BTBD9: variants seen among roughly 807,000 people sequenced by gnomAD.
BTBD9 encodes the protein BTB/POZ domain-containing protein 9.
A neutral mutation model predicts 64.3 loss-of-function variants in BTBD9; 49 were observed. That is an observed-to-expected ratio of 0.76 (90% CI 0.61 to 0.97). The LOEUF is 0.97. Ranked by LOEUF, BTBD9 falls within the 50% of genes least tolerant of loss-of-function variation. BTBD9 has a pLI of 0.00. For missense variants in BTBD9, 598 were observed against 762.1 expected, an observed-to-expected ratio of 0.78 and a Z score of 2.53; for synonymous variants, 260 against 274.7, an observed-to-expected ratio of 0.95 and a Z score of 0.53.
chr6:38,530,994 A>C (rs369513781), intron 6 of BTBD9, among the ~76,000 whole-genome samples: 3 of 152,340 alleles, frequency 2.0e-5, no homozygotes, highest in African/African-American at 7.2e-5. Context: ...TCTAGAAAAC[A>C]GCCTCAAAAG....
chr6:38,633,227 T>C (rs2127534404), intron 1 of BTBD9, among the ~76,000 whole-genome samples: 1 of 152,302 alleles, frequency 6.6e-6, no homozygotes, highest in South Asian at 2.1e-4. Flanking sequence ...TGAAGACCCA[T>C]GGTGACATAA....
At chr6:38,565,000 C>T (rs1456388733) in intron 6 of BTBD9, among the ~76,000 whole-genome samples, 1 of 152,100 alleles carries the variant, frequency 6.6e-6, no homozygotes, top group Non-Finnish European at 1.5e-5. Context: ...CTGCAACTAG[C>T]TTAAACTGAT....
intron 7 of BTBD9, among the ~76,000 whole-genome samples, chr6:38,298,142 A>C (rs1228397745): frequency 6.6e-6 from 1 of 152,004 alleles, no homozygotes; most frequent in Admixed American, 6.6e-5. Flanking sequence ...GGTGTGAGCC[A>C]CCACACCTGG....
At chr6:38,296,450 C>T (rs77720012) in intron 7 of BTBD9, among the ~76,000 whole-genome samples, 3,954 of 152,086 alleles carry the variant, frequency 0.026, 129 homozygotes, top group East Asian at 0.084. Flanking sequence ...TTACTAAATT[C>T]CTGTCTTCTC....
At chr6:38,620,196 A>G (rs1464983855) in intron 1 of BTBD9, among the ~76,000 whole-genome samples, 15 of 152,192 alleles carry the variant, frequency 9.9e-5, no homozygotes, top group Admixed American at 9.8e-4. Flanking sequence ...CAAAAACCAA[A>G]AGGTCAGTGG....
At chr6:38,266,133 T>C (rs983990015) in intron 8 of BTBD9, among the ~76,000 whole-genome samples, 2 of 152,266 alleles carry the variant, frequency 1.3e-5, no homozygotes, top group African/African-American at 4.8e-5. Context: ...CTAAGTTTCC[T>C]GGTTAATTTT....
At chr6:38,217,220 G>A (rs1763035946) in intron 9 of BTBD9, among the ~76,000 whole-genome samples, 1 of 149,518 alleles carries the variant, frequency 6.7e-6, no homozygotes, top group African/African-American at 2.5e-5. Context: ...TCAGGAAGCT[G>A]AGGCAGGAGA....
chr6:38,395,904 T>C (rs538188310), intron 6 of BTBD9, among the ~76,000 whole-genome samples: 2 of 152,152 alleles, frequency 1.3e-5, no homozygotes, highest in South Asian at 4.2e-4. Context: ...AGAGATGGGG[T>C]TTCACCATGT....
At chr6:38,382,862 T>C (rs1199271309) in intron 6 of BTBD9, among the ~76,000 whole-genome samples, 5 of 152,056 alleles carry the variant, frequency 3.3e-5, no homozygotes. Flanking sequence ...CAATGAGAAA[T>C]AGAAAACCAG....
intron 7 of BTBD9, among the ~76,000 whole-genome samples, chr6:38,330,845 G>T (rs966622868): frequency 6.6e-6 from 1 of 152,136 alleles, no homozygotes; most frequent in African/African-American, 2.4e-5. Flanking sequence ...AGAAATAAAA[G>T]TTAAACCTCT....
At chr6:38,428,864 C>T (rs13195992) in intron 6 of BTBD9, among the ~76,000 whole-genome samples, 14,971 of 151,330 alleles carry the variant, frequency 0.099, 868 homozygotes, top group African/African-American at 0.12. Flanking sequence ...AGGCGCCCAC[C>T]ACGCCCGGCT....
At chr6:38,341,701 A>C (rs1764106489) in intron 7 of BTBD9, among the ~76,000 whole-genome samples, 1 of 152,240 alleles carries the variant, frequency 6.6e-6, no homozygotes, top group Admixed American at 6.5e-5. Flanking sequence ...TACTTCTTCC[A>C]TGTCTCACTG....
At chr6:38,520,660 T>C (rs1773234339) in intron 6 of BTBD9, among the ~76,000 whole-genome samples, 2 of 151,762 alleles carry the variant, frequency 1.3e-5, no homozygotes, top group African/African-American at 4.8e-5. Flanking sequence ...AGGCCAGGCA[T>C]GGTGGCTCAT....
intron 4 of BTBD9, among the ~76,000 whole-genome samples, chr6:38,581,063 A>G (rs370093544): frequency 6.6e-6 from 1 of 152,276 alleles, no homozygotes; most frequent in Admixed American, 6.5e-5. Flanking sequence ...GTGGTGGCAC[A>G]TGCCTATAAT....
At chr6:38,431,588 T>TG (rs1455733540) in intron 6 of BTBD9, among the ~76,000 whole-genome samples, 1 of 152,140 alleles carries the variant, frequency 6.6e-6, no homozygotes, top group East Asian at 1.9e-4. Context: ...TTCACACCCT[T>TG]GCTCAAACAA....
intron 6 of BTBD9, among the ~76,000 whole-genome samples, chr6:38,486,344 T>C (rs781423569): frequency 6.6e-6 from 1 of 152,244 alleles, no homozygotes; most frequent in Non-Finnish European, 1.5e-5. Context: ...ATTCACAACT[T>C]GGCAAACTGT....
chr6:38,476,347 A>G (rs1770879161), intron 6 of BTBD9, among the ~76,000 whole-genome samples: 1 of 152,222 alleles, frequency 6.6e-6, no homozygotes, highest in African/African-American at 2.4e-5. Flanking sequence ...GCCAGGGTGC[A>G]TAACATGTGC....
At chr6:38,566,779 G>A (rs1047568637) in intron 6 of BTBD9, among the ~76,000 whole-genome samples, 3 of 152,126 alleles carry the variant, frequency 2.0e-5, no homozygotes, top group African/African-American at 7.2e-5. Context: ...AGCACTGTAG[G>A]TATACATACA....
At chr6:38,521,737 C>T (rs866458448) in intron 6 of BTBD9, among the ~76,000 whole-genome samples, 5 of 152,064 alleles carry the variant, frequency 3.3e-5, no homozygotes, top group South Asian at 2.1e-4. Context: ...TGCAATGGCA[C>T]GATCTTGGCT....
Sources: allele counts gnomAD v4.1 joint callset (sites outside exome capture counted in the v4.1 genomes callset), GRCh38; gene constraint gnomAD v4.1.1; transcripts MANE v1.5; gene names NCBI Gene and HGNC (gene_info 2026-07-23, HGNC 2026-07-21).